The following SLC25A48 variants were observed in gnomAD, a reference collection of about 807,000 sequenced individuals.
The protein encoded by SLC25A48 is solute carrier family 25 member 48.
Under a neutral mutation model 32.2 loss-of-function variants are expected in SLC25A48, and 29 were observed. The ratio of observed to expected loss-of-function variants is 0.90; its 90% CI spans 0.67 to 1.23. The LOEUF (loss-of-function observed/expected upper bound fraction) is 1.23. Among genes scored for constraint, SLC25A48 ranks in the 50% most tolerant of loss-of-function variants. The pLI is 0.00. For synonymous variants in SLC25A48, 164 were observed against 172.3 expected, an observed-to-expected ratio of 0.95 and a Z score of 0.38; for missense variants, 399 against 422.7, an observed-to-expected ratio of 0.94 and a Z score of 0.49.
chr5:135,698,677 C>T (rs973789597), intron 3 of SLC25A48, among the ~76,000 whole-genome samples: 58 of 151,722 alleles, frequency 3.8e-4, no homozygotes, highest in African/African-American at 1.2e-3. Context: ...GGGCACTAGC[C>T]GTAAAAAGAA....
chr5:135,657,592 G>C (rs955859096), intron 3 of SLC25A48, among the ~76,000 whole-genome samples: 2 of 152,210 alleles, frequency 1.3e-5, no homozygotes, highest in Non-Finnish European at 2.9e-5. Context: ...TGGGAGATGG[G>C]AGTCCCAAGT....
intron 3 of SLC25A48, among the ~76,000 whole-genome samples, chr5:135,761,305 C>T (rs1191606968): frequency 1.3e-5 from 2 of 152,028 alleles, no homozygotes; most frequent in Admixed American, 1.3e-4. Flanking sequence ...AGACCAAGAC[C>T]CAACCGCATG....
At chr5:135,865,979 A>G (rs1317998178) in intron 4 of SLC25A48, among the ~76,000 whole-genome samples, 1 of 152,222 alleles carries the variant, frequency 6.6e-6, no homozygotes, top group Non-Finnish European at 1.5e-5. Flanking sequence ...TGTGTGAGAC[A>G]TTGTAGGAAT....
At chr5:135,687,573 T>A (rs1486674443) in intron 3 of SLC25A48, among the ~76,000 whole-genome samples, 3 of 152,236 alleles carry the variant, frequency 2.0e-5, no homozygotes, top group African/African-American at 4.8e-5. Flanking sequence ...TTTTTTTTAA[T>A]GTTGCTGTTT....
rs144559090 is a variant in SLC25A48 at position 135,724,881 on chromosome 5, T to C, written c.-520-87642T>C. Among the ~76,000 whole-genome samples the C allele has an allele frequency of 4.9e-4, 74 of 152,300 alleles. 3 individuals are homozygous for C. In the East Asian group the frequency reaches 0.014, roughly 29 times the overall value. On this transcript the variant is annotated intron_variant, in intron 3 of 10. Transcript: ENST00000646290. ...AAAGAAGGCAGTGACTGGTGCCCAG[T>C]GTGGTGAACAGAGGTGGAGAAACAG...
chr5:135,757,668 T>C (rs1755950407), intron 3 of SLC25A48, among the ~76,000 whole-genome samples: 1 of 149,614 alleles, frequency 6.7e-6, no homozygotes, highest in Non-Finnish European at 1.5e-5. Flanking sequence ...TTATAATGTC[T>C]AGTGTTATCA....
At chr5:135,840,876 T>G (rs1758930235) in intron 1 of SLC25A48, among the ~76,000 whole-genome samples, 1 of 152,218 alleles carries the variant, frequency 6.6e-6, no homozygotes, top group African/African-American at 2.4e-5. Context: ...AATGTTGCCG[T>G]GATGTGTGGT....
rs186720985 is a variant in SLC25A48, at chr5:135,747,636, G to A, written c.-520-64887G>A. Among the ~76,000 whole-genome samples the A allele has an allele frequency of 4.6e-5, 7 of 152,262 alleles. No homozygotes were observed. In the East Asian group the frequency reaches 1.3e-3, roughly 29 times the overall value. ...TACTCATTGCTACTGGAATGTCATT[G>A]ATCACAGGTTTGGCACCTGGAATAT... is the stretch of plus-strand genomic sequence containing the variant. On this transcript the variant is annotated intron_variant, in intron 3 of 10. Transcript: ENST00000646290.
intron 3 of SLC25A48, among the ~76,000 whole-genome samples, chr5:135,783,850 G>T (rs1270321616): frequency 1.7e-5 from 2 of 117,964 alleles, no homozygotes; most frequent in African/African-American, 5.2e-5. Context: ...CGCTGGGAGC[G>T]AACACTTTCC....
chr5:135,848,859 A>T (rs1425164970), intron 2 of SLC25A48, among the ~76,000 whole-genome samples: 1 of 152,222 alleles, frequency 6.6e-6, no homozygotes, highest in Non-Finnish European at 1.5e-5. Flanking sequence ...TTATAAAACT[A>T]TTCAAATGGA....
chr5:135,617,224 G>A (rs1396673253), intron 1 of SLC25A48, among the ~76,000 whole-genome samples: 1 of 151,860 alleles, frequency 6.6e-6, no homozygotes, highest in Non-Finnish European at 1.5e-5. Flanking sequence ...ATTTCCTCTA[G>A]GTATTCTAGT....
At chr5:135,682,433 G>T (rs149150498) in intron 3 of SLC25A48, among the ~76,000 whole-genome samples, 3 of 152,288 alleles carry the variant, frequency 2.0e-5, no homozygotes, top group African/African-American at 7.2e-5. Context: ...ATTGGTATAA[G>T]TGTGCATGCA....
intron 3 of SLC25A48, among the ~76,000 whole-genome samples, chr5:135,745,396 C>G (rs2127003898): frequency 6.6e-6 from 1 of 152,290 alleles, no homozygotes; most frequent in South Asian, 2.1e-4. Context: ...TCTGGTAAAC[C>G]AACAACCTCC....
At chr5:135,740,627 C>T (rs113493122) in intron 3 of SLC25A48, among the ~76,000 whole-genome samples, 73 of 152,278 alleles carry the variant, frequency 4.8e-4, no homozygotes, top group African/African-American at 1.7e-3. Flanking sequence ...AAACAGCCTC[C>T]TGAGAATGCC....
At chr5:135,777,370 G>A (rs1274056632) in intron 3 of SLC25A48, among the ~76,000 whole-genome samples, 1 of 151,580 alleles carries the variant, frequency 6.6e-6, no homozygotes, top group Non-Finnish European at 1.5e-5. Context: ...TCCCAATATT[G>A]TAGGGGGAGT....
In SLC25A48 at chr5:135,874,468, A is replaced by G. The variant is rs184960700; in HGVS notation, c.813+314A>G. ...GTCTGTCTCCGCATTTTGCCTTCTC[A>G]TCAAGATAGGTTGGGCAGCCCTTCC... On this transcript the variant is annotated intron_variant, in intron 6 of 7. Coordinates refer to ENST00000681962, the MANE Select transcript of SLC25A48 (RefSeq NM_001349336.2). Among the ~76,000 whole-genome samples the G allele has an allele frequency of 2.8e-3, 428 of 152,280 alleles. 3 individuals carry two copies. Among genetic ancestry groups the G allele is most frequent in the African/African-American group, 9.8e-3 (409 of 41,552 alleles).
At chr5:135,842,538 C>G in intron 2 of SLC25A48, 79 bp downstream of exon 2, 1 of 1,420,780 alleles carries the variant, frequency 7.0e-7, no homozygotes, top group South Asian at 1.2e-5. Flanking sequence ...CCTGCTGTTT[C>G]TAATCTCTCA....
chr5:135,661,359 A>T (rs1205981030), intron 3 of SLC25A48, among the ~76,000 whole-genome samples: 10 of 152,196 alleles, frequency 6.6e-5, no homozygotes, highest in Non-Finnish European at 1.5e-5. Context: ...TACATCAGTG[A>T]CAGTAATGGG....
chr5:135,861,970 G>A (rs892659561), intron 4 of SLC25A48, among the ~76,000 whole-genome samples: 1 of 152,274 alleles, frequency 6.6e-6, no homozygotes, highest in Non-Finnish European at 1.5e-5. Flanking sequence ...CACTTGGCAA[G>A]CAAGGAGACA....
Sources: gnomAD v4.1 joint callset for allele counts (sites outside exome capture counted in the v4.1 genomes callset) on GRCh38, gnomAD v4.1.1 for gene constraint, MANE v1.5 for transcripts, NCBI Gene and HGNC (gene_info 2026-07-23, HGNC 2026-07-21) for gene names.